The following RIF1 variants were observed in gnomAD, a reference collection of about 807,000 sequenced individuals.
The protein encoded by RIF1 is telomere-associated protein RIF1.
In RIF1, 45 loss-of-function variants were observed where a neutral mutation model predicts 247.1. That is an observed-to-expected ratio of 0.18 (90% CI 0.14 to 0.23). RIF1 has a LOEUF of 0.23. RIF1 is among the 10% of genes least tolerant of loss of function. The pLI, the probability that RIF1 is intolerant of heterozygous loss-of-function variation, is 1.00. For missense variants in RIF1, 2,967 were observed against 2,862.5 expected, an observed-to-expected ratio of 1.04 and a Z score of -0.83; for synonymous variants, 1,087 against 978.8, an observed-to-expected ratio of 1.11 and a Z score of -2.06.
intron 9 of RIF1, among the ~76,000 whole-genome samples, chr2:151,432,002 A>AAGTT (rs1323425255): frequency 6.6e-6 from 1 of 151,972 alleles, no homozygotes; most frequent in Non-Finnish European, 1.5e-5. Context: ...AATCCTTTTC[A>AAGTT]AGTTATTTAT....
chr2:151,491,998 T>G (rs1453672764), intron 9 of RIF1: 12 of 1,278,056 alleles, frequency 9.4e-6, no homozygotes, highest in Non-Finnish European at 1.3e-5. Flanking sequence ...AAAAACAGAT[T>G]GAAGTCCTTT....
the RIF1 span, chr2:151,526,268 G>C: frequency 1.3e-6 from 2 of 1,598,008 alleles, no homozygotes; most frequent in African/African-American, 1.3e-5. Context: ...TTCAGCTTCA[G>C]GGGCAGGAAA....
chr2:151,441,932 C>T lies in RIF1; in HGVS notation c.1675C>T (p.Leu559Phe), dbSNP rs1692359863. ...CCTCATGGAAATTACAATTAAAGGA[C>T]TTCCTCAGAAAGTATTAGGTTCACC... ...LVLMEITIKGLPQKVLGSPAY... is the reference protein window; with the variant it reads ...LVLMEITIKGFPQKVLGSPAY... Residue 559 changes from leucine (L) to phenylalanine (F), a missense_variant, in exon 16 of 36, where the codon CTT (leucine) becomes TTT (phenylalanine). Physicochemically the swap from Leu to Phe is conservative, Grantham distance 22. Transcript: ENST00000444746. The T allele has an allele frequency of 1.3e-6, 2 of 1,564,222 alleles. No homozygotes were observed. Among genetic ancestry groups the T allele is most frequent in the Non-Finnish European group, 1.7e-6 (2 of 1,147,302 alleles).
intron 9 of RIF1, among the ~76,000 whole-genome samples, chr2:151,429,455 C>T (rs1184406267): frequency 1.3e-5 from 2 of 152,226 alleles, no homozygotes; most frequent in African/African-American, 2.4e-5. Flanking sequence ...GCTGGGATTA[C>T]AGGCGTGAGC....
At chr2:151,512,415 G>T (rs549447969), downstream of RIF1, among the ~76,000 whole-genome samples, 2 of 151,770 alleles carry the variant, frequency 1.3e-5, no homozygotes, top group East Asian at 1.9e-4. Context: ...AGCCTCAACC[G>T]CCTGGGCTCA....
chr2:151,496,734 A>G (rs1366859622), intron 10 of RIF1, among the ~76,000 whole-genome samples: 2 of 152,334 alleles, frequency 1.3e-5, no homozygotes, highest in Admixed American at 1.3e-4. Context: ...ATGATTGAAA[A>G]TATCAGATGA....
chr2:151,453,187 TTTA>T (rs1403121662), intron 21 of RIF1, among the ~76,000 whole-genome samples: 1 of 151,436 alleles, frequency 6.6e-6, no homozygotes, highest in Non-Finnish European at 1.5e-5. Context: ...GAATATACAT[TTTA>T]TTCTTTTTCC....
chr2:151,495,156 T>C (rs1219472925), intron 9 of RIF1: 1 of 152,218 alleles, frequency 6.6e-6, no homozygotes, highest in East Asian at 1.9e-4. Flanking sequence ...ATCACTATCA[T>C]GGCGAATCAG....
intron 9 of RIF1, chr2:151,489,836 A>T: frequency 1.8e-6 from 1 of 541,126 alleles, no homozygotes; most frequent in Non-Finnish European, 3.2e-6. Context: ...CATTAATATG[A>T]AACATGTAAT....
rs949039144 is a variant in RIF1 at position 151,479,664 on chromosome 2, C to T, written c.*4593C>T. On this transcript the variant is annotated 3_prime_UTR_variant, in exon 36 of 36. Transcript: ENST00000444746. ...ATGTGGTTGAAAATTCCTGTTTCATCGTAAAGTGAAATTTGAAAGATGGAG... is the reference window on the plus strand; with the variant it reads ...ATGTGGTTGAAAATTCCTGTTTCATTGTAAAGTGAAATTTGAAAGATGGAG... The T allele has an allele frequency of 2.6e-5, 4 of 152,036 alleles. No homozygotes were observed. The highest frequency in any genetic ancestry group is 4.4e-5 in the Non-Finnish European group (3 of 68,008). The allele number at this position is 152,036 out of a possible 1,614,324, so 9.4% of individuals were successfully genotyped here.
rs534878557 is a variant in RIF1, at chr2:151,477,798, C to G, written c.*2727C>G. ...GATCTCAGCTCACTGCAACCTCCAC[C>G]TCCTGGGTTCAAGCGATTCTCCTGC... On this transcript the variant is annotated 3_prime_UTR_variant, in exon 36 of 36. Coordinates refer to ENST00000444746, the MANE Select transcript of RIF1 (RefSeq NM_018151.5). 1 of 151,998 alleles carries G rather than the reference C, an allele frequency of 6.6e-6. No homozygotes were observed. Among genetic ancestry groups the G allele is most frequent in the Non-Finnish European group, 1.5e-5 (1 of 68,138 alleles). 9.4% of individuals were successfully genotyped at this position (151,998 alleles called of 1,614,324 possible).
chr2:151,416,762 C>A lies in RIF1; in HGVS notation c.409-45C>A, dbSNP rs555360048. 32 of 1,599,594 alleles carry A rather than the reference C, an allele frequency of 2.0e-5. No homozygotes were observed. In the South Asian group the frequency reaches 3.6e-4, roughly 18 times the overall value. On this transcript the variant is annotated intron_variant, in intron 5 of 35. Transcript: ENST00000444746. ...GAAAAAACTATAATGCCAATAAAAACAGTTCAGGCTTATTTCATTTGTATT... is the reference window on the plus strand; with the variant it reads ...GAAAAAACTATAATGCCAATAAAAAAAGTTCAGGCTTATTTCATTTGTATT...
chr2:151,438,813 C>T (rs1001837270), intron 14 of RIF1, 67 bp downstream of exon 14: 3 of 924,768 alleles, frequency 3.2e-6, no homozygotes, highest in African/African-American at 3.2e-5. Flanking sequence ...ATTTTTATAG[C>T]ATCCGGTGAA....
In RIF1 at chr2:151,428,918, TC is replaced by T; in HGVS notation, c.923del (p.Pro308GlnfsTer13). 2 of 1,460,690 alleles carry T rather than the reference TC, an allele frequency of 1.4e-6. No homozygotes were observed. Among genetic ancestry groups the T allele is most frequent in the Non-Finnish European group, 1.9e-6 (2 of 1,046,936 alleles). The allele number at this position is 1,460,690 out of a possible 1,614,324, so 90.5% of individuals were successfully genotyped here. A position where few individuals can be genotyped will look rare whatever the true frequency, so the allele number is the denominator to read the frequency against. ...KSLIDNFALN[P>X]DILCSAKRLK... ...GTTTAATAGATAATTTTGCTTTAAA[TC>T]CAGGTAAGTAATATTTTAACAATTT... On this transcript the variant is annotated frameshift_variant, in exon 9 of 36. Transcript: ENST00000444746. LOFTEE classifies it high-confidence loss of function.
rs117374489 is a variant in RIF1 at position 151,449,396 on chromosome 2, A to G, written c.2245-2210A>G. The stretch of plus-strand genomic sequence containing the variant: ...TTCTTCACCAATTTATATAGTGTAA[A>G]AGGAATGCCATATCTACAGTTGTAT... On this transcript the variant is annotated intron_variant, in intron 20 of 35. Coordinates refer to ENST00000444746, the MANE Select transcript of RIF1 (RefSeq NM_018151.5). Among the ~76,000 whole-genome samples, 356 of 152,314 alleles carry G rather than the reference A, an allele frequency of 2.3e-3. 9 individuals are homozygous for G. In the East Asian group the frequency reaches 0.046, roughly 20 times the overall value.
At chr2:151,514,982 ATC>A in the RIF1 span, 1 of 1,102,428 alleles carries the variant, frequency 9.1e-7, no homozygotes, top group African/African-American at 1.6e-5. Flanking sequence ...ATTACAATAT[ATC>A]TCTCCATCTC....
At chr2:151,445,222 T>G in intron 18 of RIF1, 116 bp from the exon 19 acceptor site, 1 of 683,618 alleles carries the variant, frequency 1.5e-6, no homozygotes, top group Non-Finnish European at 2.6e-6. Flanking sequence ...AAACTTATTT[T>G]GAATCTCATC....
chr2:151,437,136 T>C, intron 12 of RIF1, 105 bp from the exon 13 acceptor site: 1 of 1,218,820 alleles, frequency 8.2e-7, no homozygotes, highest in Non-Finnish European at 1.2e-6. Context: ...ATCTTTTTTT[T>C]ATAGAAAACA....
Position 151,506,571 on chromosome 2 carries a change from G to A in RIF1, c.*1027+196G>A, listed in dbSNP as rs745617522. Among the ~76,000 whole-genome samples, 43 of 152,138 alleles carry A rather than the reference G, an allele frequency of 2.8e-4. 1 individual carries two copies. The highest frequency in any genetic ancestry group is 5.9e-4 in the Non-Finnish European group (40 of 67,998). On this transcript the variant is annotated intron_variant and NMD_transcript_variant, in intron 13 of 13. Coordinates refer to the RIF1 transcript ENST00000454583. ...CATATGTAACACAAAATCCATTAAA[G>A]AAATGCAAACTCAGTCAGTTATTTG...
Sources: allele counts gnomAD v4.1 joint callset (sites outside exome capture counted in the v4.1 genomes callset), GRCh38; gene constraint gnomAD v4.1.1; transcripts MANE v1.5; gene names NCBI Gene and HGNC (gene_info 2026-07-23, HGNC 2026-07-21).